The following TRMT44 variants were observed in gnomAD, a reference collection of about 807,000 sequenced individuals.
The protein encoded by TRMT44 is probable tRNA (uracil-O(2)-)-methyltransferase.
In TRMT44, 78 loss-of-function variants were observed where a neutral mutation model predicts 77.3. The observed-to-expected ratio is 1.01, with a 90% CI of 0.84 to 1.22. TRMT44 has a LOEUF of 1.22. TRMT44 is among the 50% of genes most tolerant of loss of function. The pLI, the probability that TRMT44 is intolerant of heterozygous loss-of-function variation, is 0.00. For missense variants in TRMT44, 1,090 were observed against 964.4 expected (o/e 1.13, Z -1.73); for synonymous variants, 391 against 383.3 (o/e 1.02, Z -0.23).
rs73213414 is a variant in TRMT44, at chr4:8,461,569, T to C, written c.1204-2416T>C. ...AGGCTCTAGTTCTTTAGCTGAGGTT[T>C]CCCAGCAGCCTGCATCAGACTTTTC... On this transcript the variant is annotated intron_variant, in intron 6 of 10. Transcript: ENST00000389737. The surrounding 1 kb of genome is among the most constrained non-coding windows in gnomAD (Gnocchi z 4.6). 0.026 allele frequency among the ~76,000 whole-genome samples: 3,943 copies of C among 152,260 alleles called. 93 individuals carry two copies. Among genetic ancestry groups the C allele is most frequent in the African/African-American group, 0.065 (2,710 of 41,522 alleles).
chr4:8,464,978 G>A (rs1417254986), intron 7 of TRMT44, among the ~76,000 whole-genome samples: 3 of 152,186 alleles, frequency 2.0e-5, no homozygotes, highest in Non-Finnish European at 4.4e-5. Flanking sequence ...AAAACGAAAT[G>A]CCGCATGTTC....
intron 2 of TRMT44, among the ~76,000 whole-genome samples, chr4:8,487,989 A>G (rs1727870528): frequency 6.6e-6 from 1 of 152,202 alleles, no homozygotes; most frequent in African/African-American, 2.4e-5. Context: ...TGTCTCTACC[A>G]GAAAATGAAA....
the TRMT44 span, among the ~76,000 whole-genome samples, chr4:8,511,534 C>T: frequency 1.3e-5 from 2 of 152,170 alleles, no homozygotes; most frequent in Admixed American, 6.5e-5. Flanking sequence ...GACACAATCC[C>T]AAAAGCCACT....
At chr4:8,471,721 G>A (rs962863855) in intron 10 of TRMT44, among the ~76,000 whole-genome samples, 1 of 152,214 alleles carries the variant, frequency 6.6e-6, no homozygotes, top group Non-Finnish European at 1.5e-5. Flanking sequence ...GCTCCCCAAC[G>A]CCCTGTGACT....
In TRMT44 at chr4:8,472,096, C is replaced by T. The variant is rs149501693; in HGVS notation, c.2044+896C>T. The stretch of plus-strand genomic sequence containing the variant: ...TTTCACCCCTAAGTACTTCCACGTG[C>T]ATCTTTAAGAATAGTAGGTGTCTTC... On this transcript the variant is annotated intron_variant, in intron 10 of 10. Coordinates refer to ENST00000389737, the MANE Select transcript of TRMT44 (RefSeq NM_152544.3). Among the ~76,000 whole-genome samples the T allele has an allele frequency of 4.0e-4, 61 of 151,976 alleles. No homozygotes were observed. In the East Asian group the frequency reaches 9.3e-3, roughly 23 times the overall value.
downstream of TRMT44, among the ~76,000 whole-genome samples, chr4:8,497,038 A>G (rs185267603): frequency 3.3e-3 from 508 of 152,270 alleles, 5 homozygotes; most frequent in East Asian, 1.4e-3. Context: ...CTAAAAAGAA[A>G]AGAACAAGTG....
rs545644898 is a variant in TRMT44 at position 8,451,436 on chromosome 4, C to T, written c.955-524C>T. On this transcript the variant is annotated intron_variant, in intron 3 of 10. Transcript: ENST00000389737. The surrounding 1 kb of genome is among the most constrained non-coding windows in gnomAD (Gnocchi z 4.1). Reference sequence around the variant, plus strand: ...ACATGACTAATTTTAATAATGAGAGCTCATGTTTGCACAGCTAGTGCTTTA... The same window carrying T: ...ACATGACTAATTTTAATAATGAGAGTTCATGTTTGCACAGCTAGTGCTTTA... 6.6e-6 allele frequency among the ~76,000 whole-genome samples: 1 copy of T among 152,308 alleles called. No individual in the cohort carries two copies. Among genetic ancestry groups the T allele is most frequent in the East Asian group, 1.9e-4 (1 of 5,192 alleles).
At chr4:8,469,310 C>CA (rs1382922163) in intron 9 of TRMT44, among the ~76,000 whole-genome samples, 3 of 152,204 alleles carry the variant, frequency 2.0e-5, no homozygotes, top group Non-Finnish European at 4.4e-5. Context: ...TGCAAACCAC[C>CA]AGGCACCGTG....
At chr4:8,459,694 C>T (rs564094200) in intron 6 of TRMT44, among the ~76,000 whole-genome samples, 1 of 152,292 alleles carries the variant, frequency 6.6e-6, no homozygotes, top group South Asian at 2.1e-4. Flanking sequence ...CTGAGCACTA[C>T]AAGAGATGCA....
At chr4:8,471,634 A>G (rs1450283092) in intron 10 of TRMT44, among the ~76,000 whole-genome samples, 1 of 152,186 alleles carries the variant, frequency 6.6e-6, no homozygotes, top group African/African-American at 2.4e-5. Context: ...GCCCTGCCCC[A>G]CAGGCGGAGG....
the TRMT44 span, among the ~76,000 whole-genome samples, chr4:8,513,932 G>T: frequency 1.3e-5 from 2 of 152,178 alleles, no homozygotes; most frequent in African/African-American, 4.8e-5. Context: ...TGGTGGGAAA[G>T]GATTGGTTCA....
chr4:8,506,953 G>A, the TRMT44 span: 1 of 152,772 alleles, frequency 6.5e-6, no homozygotes, highest in Non-Finnish European at 1.5e-5. Flanking sequence ...GGGTGGAATT[G>A]TGGAATTGTC....
rs1011277803 is a variant in TRMT44, at chr4:8,461,124, G to A, written c.1204-2861G>A. The stretch of plus-strand genomic sequence containing the variant: ...CCTCGGCCTCCCACAGGGCTGGGAT[G>A]ACAATGAGCCGCTGCGCCGGGCCAG... On this transcript the variant is annotated intron_variant, in intron 6 of 10. Transcript: ENST00000389737. The surrounding 1 kb of genome is among the most constrained non-coding windows in gnomAD (Gnocchi z 4.6). Among the ~76,000 whole-genome samples the A allele has an allele frequency of 1.3e-5, 2 of 152,158 alleles. No individual in the cohort carries two copies. The highest frequency in any genetic ancestry group is 4.8e-5 in the African/African-American group (2 of 41,434).
chr4:8,490,385 C>T (rs921123352), intron 2 of TRMT44, among the ~76,000 whole-genome samples: 6 of 151,968 alleles, frequency 3.9e-5, no homozygotes, highest in East Asian at 1.9e-4. Context: ...GAGTTTCTTC[C>T]TTCTGGTGGA....
chr4:8,462,824 G>A (rs1045097546), intron 6 of TRMT44, among the ~76,000 whole-genome samples: 2 of 152,190 alleles, frequency 1.3e-5, no homozygotes, highest in African/African-American at 4.8e-5. Context: ...CTAAATGTCA[G>A]TTATGCTTTA....
chr4:8,516,840 G>T, the TRMT44 span, among the ~76,000 whole-genome samples: 1 of 152,206 alleles, frequency 6.6e-6, no homozygotes, highest in Non-Finnish European at 1.5e-5. Flanking sequence ...ATCAGAGAGG[G>T]TTGTTAGAGT....
At chr4:8,498,293 C>G (rs146815970), downstream of TRMT44, among the ~76,000 whole-genome samples, 20 of 152,328 alleles carry the variant, frequency 1.3e-4, no homozygotes, top group East Asian at 3.9e-3. The surrounding 1 kb of genome is among the most constrained non-coding windows in gnomAD (Gnocchi z 4.3). Flanking sequence ...CAGATTCTAC[C>G]TCGTGCACCT....
intron 10 of TRMT44, 148 bp from the exon 11 acceptor site, chr4:8,475,622 CTG>C: frequency 2.8e-6 from 2 of 707,370 alleles, no homozygotes. Context: ...GGCAGACTCA[CTG>C]TGACCAGCAG....
In TRMT44 at chr4:8,476,204, A is replaced by T. The variant is rs958215268; in HGVS notation, c.*203A>T. The T allele has an allele frequency of 3.0e-5, 18 of 600,926 alleles. No individual in the cohort carries two copies. Among genetic ancestry groups the T allele is most frequent in the African/African-American group, 2.0e-4 (11 of 53,894 alleles). 37.2% of individuals were successfully genotyped at this position (600,926 alleles called of 1,614,324 possible). On this transcript the variant is annotated 3_prime_UTR_variant, in exon 11 of 11. Coordinates refer to ENST00000389737, the MANE Select transcript of TRMT44 (RefSeq NM_152544.3). ...ACAGTTACTCGGAAGCCCCCAGCTG[A>T]CTGCCTGGCTTGTTTCAGATGCAGC...
Sources: gnomAD v4.1 joint callset for allele counts (sites outside exome capture counted in the v4.1 genomes callset) on GRCh38, gnomAD v4.1.1 for gene constraint, Gnocchi (gnomAD v3.1) non-coding constraint, MANE v1.5 for transcripts, NCBI Gene and HGNC (gene_info 2026-07-23, HGNC 2026-07-21) for gene names.